EPS8L2: variants seen among roughly 807,000 people sequenced by gnomAD.
EPS8L2 encodes epidermal growth factor receptor kinase substrate 8-like protein 2.
EPS8L2 carries 81 observed loss-of-function variants against 99.4 expected under a neutral mutation model. That is an observed-to-expected ratio of 0.82 (90% CI 0.68 to 0.98). The LOEUF (loss-of-function observed/expected upper bound fraction) is 0.98, where lower values mean the gene tolerates loss of function less well. Ranked by LOEUF, EPS8L2 falls within the 50% of genes least tolerant of loss-of-function variation. EPS8L2 has a pLI of 0.00. For missense variants in EPS8L2, 1,155 were observed against 968.8 expected (o/e 1.19, Z -2.55); for synonymous variants, 509 against 407.3 (o/e 1.25, Z -3.01).
intron 4 of EPS8L2, among the ~76,000 whole-genome samples, chr11:712,422 CTGGG>C (rs1861915541): frequency 6.6e-6 from 1 of 150,720 alleles, no homozygotes; most frequent in Non-Finnish European, 1.5e-5. Context: ...TCGTCCAAGC[CTGGG>C]TGCGAGCTGG....
chr11:723,529 G>A (rs553371740), intron 15 of EPS8L2, among the ~76,000 whole-genome samples, 176 bp downstream of exon 15: 6 of 152,310 alleles, frequency 3.9e-5, no homozygotes, highest in East Asian at 1.9e-4. Context: ...TATAATTAAA[G>A]GAAACATTTC....
chr11:722,091 G>C lies in EPS8L2; in HGVS notation c.985G>C (p.Ala329Pro). 1 of 1,613,066 alleles carries C rather than the reference G, an allele frequency of 6.2e-7. No individual in the cohort carries two copies. Among genetic ancestry groups the C allele is most frequent in the Non-Finnish European group, 8.5e-7 (1 of 1,179,882 alleles). ...QKIKLAINLL[A>P]KLQKHIQNPS... ...CCTGCTCACTTGTTCCCACCCCCAG[G>C]CAAAGCTGCAGAAGCACATCCAGAA... Residue 329 changes from alanine (A) to proline (P), a missense_variant and splice_region_variant, in exon 12 of 21, where the codon GCA becomes CCA. Transcript: ENST00000318562.
Position 722,542 on chromosome 11 carries a change from C to A in EPS8L2, c.1201C>A (p.Arg401=), listed in dbSNP as rs765096109. 5.0e-5 allele frequency: 80 copies of A among 1,612,614 alleles called. No individual in the cohort carries two copies. Among genetic ancestry groups the A allele is most frequent in the Non-Finnish European group, 6.7e-5 (79 of 1,179,822 alleles). The change falls in exon 13 of 21, where the codon CGG becomes AGG. Residue 401 remains arginine, a synonymous_variant. Transcript: ENST00000318562. Reference sequence around the variant, plus strand: ...GGAGTCACTGGGAGAGAGCTGGATGCGGCCCCGGTAGGGCAGGGCAGAGCA... The same window carrying A: ...GGAGTCACTGGGAGAGAGCTGGATGAGGCCCCGGTAGGGCAGGGCAGAGCA... ...LWESLGESWM[R]PRSEWPREPQ... is the part of the protein sequence containing the mutation.
chr11:709,260 G>C, intron 1 of EPS8L2, 70 bp from the exon 2 acceptor site: 1 of 967,698 alleles, frequency 1.0e-6, no homozygotes, highest in Non-Finnish European at 1.5e-6. Context: ...TCAGGGATCT[G>C]GCCCAGGGAA....
chr11:720,700 A>G lies in EPS8L2; in HGVS notation c.431A>G (p.Glu144Gly). The change falls in exon 6 of 21, where the codon GAG (glutamate) becomes GGG (glycine). Residue 144 changes from glutamate to glycine, a missense_variant. Glu to Gly is a moderately conservative substitution (Grantham distance 98, BLOSUM62 -2). Coordinates refer to ENST00000318562, the MANE Select transcript of EPS8L2 (RefSeq NM_022772.4). ...SVLLLVCQDS[E>G]QSKPDVHFFH... ...CTGCTGCTCGTGTGCCAGGACTCGGAGCAGAGCAAGCCGGATGTCCACTTC... is the reference window on the plus strand; with the variant it reads ...CTGCTGCTCGTGTGCCAGGACTCGGGGCAGAGCAAGCCGGATGTCCACTTC... The G allele has an allele frequency of 6.3e-7, 1 of 1,596,356 alleles. No homozygotes were observed. Among genetic ancestry groups the G allele is most frequent in the Non-Finnish European group, 8.5e-7 (1 of 1,172,956 alleles).
rs904656153 is a variant in EPS8L2 at position 722,660 on chromosome 11, C to T, written c.1209-13C>T. 28 of 1,607,320 alleles carry T rather than the reference C, an allele frequency of 1.7e-5. No homozygotes were observed. The East Asian group carries it at 2.0e-4, about 12-fold the overall frequency. On this transcript the variant is annotated splice_polypyrimidine_tract_variant and intron_variant, in intron 13 of 20. Coordinates refer to ENST00000318562, the MANE Select transcript of EPS8L2 (RefSeq NM_022772.4). ...TGGAGAGGCAGGGCTGACTTCAGGACCTCTCACCCCAGTTCCGAGTGGCCG... is the reference window on the plus strand; with the variant it reads ...TGGAGAGGCAGGGCTGACTTCAGGATCTCTCACCCCAGTTCCGAGTGGCCG...
At chr11:709,155 T>C (rs1272436089) in intron 1 of EPS8L2, 175 bp from the exon 2 acceptor site, 3 of 586,600 alleles carry the variant, frequency 5.1e-6, no homozygotes, top group Non-Finnish European at 9.0e-6. Context: ...TGATCGACTG[T>C]CAACTGGGAC....
chr11:722,083 A>T lies in EPS8L2; in HGVS notation c.985-8A>T, dbSNP rs892516656. On this transcript the variant is annotated splice_region_variant and splice_polypyrimidine_tract_variant and intron_variant, in intron 11 of 20. Coordinates refer to ENST00000318562, the MANE Select transcript of EPS8L2 (RefSeq NM_022772.4). ...CCCCGGCACCTGCTCACTTGTTCCCACCCCCAGGCAAAGCTGCAGAAGCAC... is the reference window on the plus strand; with the variant it reads ...CCCCGGCACCTGCTCACTTGTTCCCTCCCCCAGGCAAAGCTGCAGAAGCAC... The T allele has an allele frequency of 6.2e-7, 1 of 1,612,460 alleles. No homozygotes were observed.
chr11:710,377 G>T, intron 3 of EPS8L2, 45 bp from the exon 4 acceptor site: 1 of 1,590,974 alleles, frequency 6.3e-7, no homozygotes, highest in Non-Finnish European at 8.6e-7. Context: ...ACGGGAGGCT[G>T]TGGGTCCTGC....
In EPS8L2 at chr11:710,587, G is replaced by C. The variant is rs1013367300; in HGVS notation, c.165+101G>C. 4 of 1,176,452 alleles carry C rather than the reference G, an allele frequency of 3.4e-6. No homozygotes were observed. The African/African-American group carries it at 4.5e-5, about 13-fold the overall frequency. 72.9% of individuals were successfully genotyped at this position (1,176,452 alleles called of 1,614,324 possible). A position where few individuals can be genotyped will look rare whatever the true frequency, so the allele number is the denominator to read the frequency against. On this transcript the variant is annotated intron_variant, in intron 4 of 20. Transcript: ENST00000318562. ...CCACAAAAAATAAAATAATTAGACG[G>C]GCATGGTGGTGCCGGCCTGTAGGCC... is the stretch of plus-strand genomic sequence containing the variant.
intron 9 of EPS8L2, 72 bp downstream of exon 9, chr11:721,424 C>T: frequency 6.6e-7 from 1 of 1,504,636 alleles, no homozygotes; most frequent in Non-Finnish European, 8.9e-7. Flanking sequence ...CCTTGCTGTC[C>T]CTCCGGCCAG....
At chr11:720,278 C>T in intron 5 of EPS8L2, 55 bp downstream of exon 5, 1 of 1,576,418 alleles carries the variant, frequency 6.3e-7, no homozygotes, top group South Asian at 1.1e-5. Context: ...GCGGTGGCAG[C>T]CACCGGCTGC....
In EPS8L2 at chr11:710,427, A is replaced by G. The variant is rs1367588112; in HGVS notation, c.106A>G (p.Arg36Gly). ...KMSPKDLFEQ[R>G]KKYSNSNVIM... ...ACTGGTGTCTCCCGGTTCAGAGCAG[A>G]GGAAGAAGTATTCCAACTCCAACGT... The change falls in exon 4 of 21, where the codon AGG (arginine) becomes GGG (glycine). Residue 36 changes from arginine (R) to glycine (G), a missense_variant. Coordinates refer to ENST00000318562, the MANE Select transcript of EPS8L2 (RefSeq NM_022772.4). 3 of 1,613,556 alleles carry G rather than the reference A, an allele frequency of 1.9e-6. No homozygotes were observed. The highest frequency in any genetic ancestry group is 2.5e-6 in the Non-Finnish European group (3 of 1,179,904).
chr11:712,575 G>A (rs937226682), intron 4 of EPS8L2, among the ~76,000 whole-genome samples: 41 of 152,208 alleles, frequency 2.7e-4, no homozygotes, highest in Non-Finnish European at 5.9e-5. Flanking sequence ...CCTGGAGCTG[G>A]GTCCTCCTGC....
chr11:720,380 G>A (rs1862123577), intron 5 of EPS8L2, among the ~76,000 whole-genome samples, 157 bp downstream of exon 5: 2 of 152,172 alleles, frequency 1.3e-5, no homozygotes, highest in South Asian at 4.1e-4. Flanking sequence ...TGGGCAGAGG[G>A]CCGCATAGAG....
intron 1 of EPS8L2, among the ~76,000 whole-genome samples, chr11:708,279 A>G (rs1861784238): frequency 6.6e-6 from 1 of 152,204 alleles, no homozygotes; most frequent in Non-Finnish European, 1.5e-5. Flanking sequence ...CCCTTGGGAC[A>G]AGTCAGCCTG....
chr11:723,710 G>C (rs546889406), intron 15 of EPS8L2, among the ~76,000 whole-genome samples: 38 of 152,264 alleles, frequency 2.5e-4, no homozygotes, highest in African/African-American at 7.9e-4. Context: ...ACCTCTGGTA[G>C]AGCCAAAAGA....
chr11:720,333 C>A, intron 5 of EPS8L2, 110 bp downstream of exon 5: 1 of 1,247,150 alleles, frequency 8.0e-7, no homozygotes, highest in Non-Finnish European at 1.1e-6. Context: ...CGGCCATGCC[C>A]TATCATTCTG....
intron 7 of EPS8L2, 34 bp downstream of exon 7, chr11:720,943 C>CAGGGGAGGGGAGGAGCCGGCA: frequency 2.0e-6 from 1 of 502,468 alleles, no homozygotes; most frequent in Non-Finnish European, 2.8e-6. Flanking sequence ...TCGCAGGGGG[C>CAGGGGAGGGGAGGAGCCGGCA]GGGGAGGGGA....
Sources: allele counts gnomAD v4.1 joint callset (sites outside exome capture counted in the v4.1 genomes callset), GRCh38; gene constraint gnomAD v4.1.1; transcripts MANE v1.5; gene names NCBI Gene and HGNC (gene_info 2026-07-23, HGNC 2026-07-21).